The following FBN2 variants were observed in gnomAD, a reference collection of about 807,000 sequenced individuals.
The protein encoded by FBN2 is fibrillin 2, also known as fibrillin-2.
In FBN2, 105 loss-of-function variants were observed where a neutral mutation model predicts 355.6. The ratio of observed to expected loss-of-function variants is 0.30; its 90% CI spans 0.25 to 0.35. The LOEUF (loss-of-function observed/expected upper bound fraction) is 0.35, where lower values mean the gene tolerates loss of function less well. Among genes scored for constraint, FBN2 ranks in the 10% least tolerant of loss-of-function variants. The pLI, the probability that FBN2 is intolerant of heterozygous loss-of-function variation, is 1.00. For missense variants in FBN2, 3,280 were observed against 3,758.7 expected (o/e 0.87, Z 3.33); for synonymous variants, 1,350 against 1,301.2 (o/e 1.04, Z -0.81).
chr5:128,480,526 G>A (rs915267063), intron 5 of FBN2, among the ~76,000 whole-genome samples: 12 of 152,088 alleles, frequency 7.9e-5, no homozygotes, highest in African/African-American at 2.7e-4. Context: ...CTCAAGTAAT[G>A]AGCACAATGA....
intron 9 of FBN2, among the ~76,000 whole-genome samples, chr5:128,394,685 C>T (rs1752600537): frequency 6.6e-6 from 1 of 152,120 alleles, no homozygotes; most frequent in Non-Finnish European, 1.5e-5. Flanking sequence ...AAAACTGATC[C>T]TAAATAACAA....
At chr5:128,296,682 T>C (rs1481311870) in intron 48 of FBN2, among the ~76,000 whole-genome samples, 2 of 152,254 alleles carry the variant, frequency 1.3e-5, no homozygotes, top group Non-Finnish European at 2.9e-5. Context: ...TCGATGGTGA[T>C]ATCCCCTTTA....
intron 5 of FBN2, among the ~76,000 whole-genome samples, chr5:128,491,582 C>T (rs2127126540): frequency 6.6e-6 from 1 of 152,298 alleles, no homozygotes. Flanking sequence ...CACAATGCTG[C>T]CACTTAGTTG....
At chr5:128,512,117 T>C (rs1447425224) in intron 5 of FBN2, among the ~76,000 whole-genome samples, 1 of 152,084 alleles carries the variant, frequency 6.6e-6, no homozygotes, top group African/African-American at 2.4e-5. Context: ...TTACCAAAAA[T>C]CCCACAAAAG....
chr5:128,433,157 G>A (rs114205511), intron 7 of FBN2, among the ~76,000 whole-genome samples: 3 of 152,066 alleles, frequency 2.0e-5, no homozygotes, highest in Admixed American at 6.6e-5. Flanking sequence ...AAAAAAAGAT[G>A]TTAGGGGTTT....
chr5:128,460,096 G>A (rs890605626), intron 6 of FBN2, among the ~76,000 whole-genome samples: 3 of 152,190 alleles, frequency 2.0e-5, no homozygotes, highest in Non-Finnish European at 4.4e-5. Context: ...TCCTGAAGCT[G>A]ATAAGCAATT....
At chr5:128,354,693 T>A (rs147870766) in intron 20 of FBN2, among the ~76,000 whole-genome samples, 1 of 152,294 alleles carries the variant, frequency 6.6e-6, no homozygotes, top group African/African-American at 2.4e-5. Flanking sequence ...ATATACAGCT[T>A]GAGAAAAAGA....
At chr5:128,373,232 T>G (rs932025390) in intron 15 of FBN2, among the ~76,000 whole-genome samples, 10 of 152,290 alleles carry the variant, frequency 6.6e-5, no homozygotes, top group African/African-American at 2.2e-4. Context: ...AAAACTGGCT[T>G]TGTGCTCATG....
chr5:128,265,124 G>GT (rs1248897698), intron 62 of FBN2, among the ~76,000 whole-genome samples: 1 of 152,170 alleles, frequency 6.6e-6, no homozygotes, highest in African/African-American at 2.4e-5. Flanking sequence ...TACATAAGAT[G>GT]TAACTATAAC....
intron 5 of FBN2, among the ~76,000 whole-genome samples, chr5:128,508,989 C>A (rs1448692768): frequency 6.6e-6 from 1 of 152,002 alleles, no homozygotes; most frequent in African/African-American, 2.4e-5. Flanking sequence ...TTCCTCTATA[C>A]AAAATGTATC....
intron 5 of FBN2, among the ~76,000 whole-genome samples, chr5:128,485,706 G>C (rs1755319733): frequency 6.6e-6 from 1 of 152,162 alleles, no homozygotes; most frequent in Non-Finnish European, 1.5e-5. Context: ...TCTGGAAAAG[G>C]AGGAATTGAA....
At chr5:128,455,867 A>G (rs1356166899) in intron 6 of FBN2, among the ~76,000 whole-genome samples, 1 of 151,904 alleles carries the variant, frequency 6.6e-6, no homozygotes, top group Non-Finnish European at 1.5e-5. Flanking sequence ...CGTACAGATT[A>G]TTACAGCCTC....
chr5:128,304,877 C>T lies in FBN2; in HGVS notation c.5800+80G>A, dbSNP rs575673042. 9.7e-5 allele frequency: 151 copies of T among 1,551,338 alleles called. 1 individual carries two copies. In the African/African-American group the frequency reaches 1.8e-3, roughly 19 times the overall value. On this transcript the variant is annotated intron_variant, in intron 45 of 64. Transcript: ENST00000262464. ...GTTTCTGACAGAGACATAGTAGTTA[C>T]TCATGGCACTTGATGGAACTGTGAT...
intron 18 of FBN2, among the ~76,000 whole-genome samples, chr5:128,362,077 A>G (rs185303897): frequency 6.6e-6 from 1 of 152,326 alleles, no homozygotes; most frequent in Non-Finnish European, 1.5e-5. Flanking sequence ...CCTGGAAAGT[A>G]TGCACTAGCT....
At chr5:128,374,847 G>A (rs1447289917) in intron 14 of FBN2, 97 bp from the exon 15 acceptor site, 2 of 1,284,744 alleles carry the variant, frequency 1.6e-6, no homozygotes, top group African/African-American at 2.9e-5. Flanking sequence ...CTAACCTTTT[G>A]TTTATAACTT....
At chr5:128,470,091 T>C (rs1345207700) in intron 5 of FBN2, among the ~76,000 whole-genome samples, 1 of 152,144 alleles carries the variant, frequency 6.6e-6, no homozygotes, top group Non-Finnish European at 1.5e-5. Flanking sequence ...CAGCACTTGA[T>C]AGTGGGCTGG....
At chr5:128,518,695 T>A (rs968754204) in intron 5 of FBN2, among the ~76,000 whole-genome samples, 2 of 152,106 alleles carry the variant, frequency 1.3e-5, no homozygotes, top group Non-Finnish European at 2.9e-5. Context: ...AAGAAACATG[T>A]TTCCTTAGTG....
At chr5:128,485,377 AATG>A (rs1305834573) in intron 5 of FBN2, among the ~76,000 whole-genome samples, 5 of 152,276 alleles carry the variant, frequency 3.3e-5, no homozygotes, top group African/African-American at 1.2e-4. Context: ...TATTGTGAAA[AATG>A]AAAAATAATC....
intron 56 of FBN2, among the ~76,000 whole-genome samples, chr5:128,279,734 A>G (rs1765487085): frequency 7.0e-6 from 1 of 143,354 alleles, no homozygotes; most frequent in South Asian, 2.3e-4. Flanking sequence ...ATAAAATATA[A>G]TGTCTGAGAT....
Sources: gnomAD v4.1 joint callset for allele counts (sites outside exome capture counted in the v4.1 genomes callset) on GRCh38, gnomAD v4.1.1 for gene constraint, MANE v1.5 for transcripts, NCBI Gene and HGNC (gene_info 2026-07-23, HGNC 2026-07-21) for gene names.